Variants in SCFD2 observed in about 807,000 individuals in gnomAD.
The protein encoded by SCFD2 is sec1 family domain-containing protein 2.
A neutral mutation model predicts 58.9 loss-of-function variants in SCFD2; 54 were observed. The ratio of observed to expected loss-of-function variants is 0.92; its 90% confidence interval spans 0.74 to 1.15. The LOEUF (loss-of-function observed/expected upper bound fraction) is 1.15. SCFD2 is among the 50% of genes most tolerant of loss of function. SCFD2 has a pLI of 0.00. For missense variants in SCFD2, 805 were observed against 836.6 expected (o/e 0.96, Z 0.47); for synonymous variants, 321 against 335.9 (o/e 0.96, Z 0.49).
chr4:53,180,361 T>A (rs1266515202), intron 4 of SCFD2, among the ~76,000 whole-genome samples: 1 of 152,052 alleles, frequency 6.6e-6, no homozygotes, highest in East Asian at 1.9e-4. Context: ...TCAAAACCGC[T>A]CAGCTACATG....
chr4:53,066,316 G>T (rs1723661706), intron 5 of SCFD2, among the ~76,000 whole-genome samples: 1 of 152,064 alleles, frequency 6.6e-6, no homozygotes, highest in Non-Finnish European at 1.5e-5. Flanking sequence ...TGTTACTAAG[G>T]CAATGTAAAT....
At chr4:53,287,105 G>A (rs1177590901) in intron 3 of SCFD2, among the ~76,000 whole-genome samples, 1 of 152,116 alleles carries the variant, frequency 6.6e-6, no homozygotes, top group Non-Finnish European at 1.5e-5. Flanking sequence ...CCTGTCCCCG[G>A]GTCTAAGCTA....
chr4:53,050,788 TCCTG>T (rs1348900163), intron 5 of SCFD2, among the ~76,000 whole-genome samples: 1 of 152,198 alleles, frequency 6.6e-6, no homozygotes, highest in African/African-American at 2.4e-5. Context: ...GTCATCTGGC[TCCTG>T]CCTCTCTTCT....
At chr4:53,000,698 A>G (rs1397180671) in intron 5 of SCFD2, among the ~76,000 whole-genome samples, 1 of 152,166 alleles carries the variant, frequency 6.6e-6, no homozygotes, top group Non-Finnish European at 1.5e-5. Flanking sequence ...TCCTTTGAAC[A>G]GGTTTGGTAG....
intron 6 of SCFD2, among the ~76,000 whole-genome samples, chr4:52,916,004 C>T (rs2109480473): frequency 6.6e-6 from 1 of 152,358 alleles, no homozygotes; most frequent in Non-Finnish European, 1.5e-5. Flanking sequence ...TCTTGTTCAA[C>T]ATGCCAGAGG....
chr4:52,919,799 G>A (rs928509610), intron 6 of SCFD2, among the ~76,000 whole-genome samples: 2 of 152,322 alleles, frequency 1.3e-5, no homozygotes, highest in African/African-American at 2.4e-5. Flanking sequence ...GAAGAATCTG[G>A]ATTGTGCTAG....
chr4:53,084,167 T>C (rs533541823), intron 5 of SCFD2, among the ~76,000 whole-genome samples: 1 of 152,224 alleles, frequency 6.6e-6, no homozygotes, highest in South Asian at 2.1e-4. Flanking sequence ...AGTCCTAATC[T>C]CAACTGCACA....
chr4:53,306,552 C>T (rs1392578014), intron 3 of SCFD2, among the ~76,000 whole-genome samples: 1 of 152,088 alleles, frequency 6.6e-6, no homozygotes, highest in Non-Finnish European at 1.5e-5. Context: ...TAGAAATACT[C>T]ATTGTCTCTC....
chr4:53,278,086 G>A (rs1172045310), intron 3 of SCFD2, among the ~76,000 whole-genome samples: 1 of 151,566 alleles, frequency 6.6e-6, no homozygotes, highest in Non-Finnish European at 1.5e-5. Context: ...AACAGTCCTC[G>A]CCAGGCGCAG....
intron 4 of SCFD2, among the ~76,000 whole-genome samples, chr4:53,170,372 A>G (rs1339790803): frequency 6.6e-6 from 1 of 152,140 alleles, no homozygotes. Context: ...TAGATTCTCT[A>G]TTTCGTTTCA....
chr4:53,331,453 C>T (rs1165256956), intron 2 of SCFD2, among the ~76,000 whole-genome samples: 6 of 152,184 alleles, frequency 3.9e-5, no homozygotes, highest in South Asian at 2.1e-4. Context: ...CACTCAAAAC[C>T]GCTCAACTAC....
intron 4 of SCFD2, among the ~76,000 whole-genome samples, chr4:53,247,399 A>C (rs187048065): frequency 2.5e-3 from 378 of 152,280 alleles, no homozygotes; most frequent in African/African-American, 8.8e-3. Context: ...GTATGTACCC[A>C]AAAAAATATA....
chr4:52,880,497 A>C (rs1332294087), intron 8 of SCFD2, among the ~76,000 whole-genome samples: 1 of 151,412 alleles, frequency 6.6e-6, no homozygotes, highest in Non-Finnish European at 1.5e-5. Flanking sequence ...GGCGCCTGTA[A>C]TCCTAGCTAC....
chr4:52,964,824 T>C (rs374722649), intron 5 of SCFD2, among the ~76,000 whole-genome samples: 9 of 152,110 alleles, frequency 5.9e-5, no homozygotes, highest in East Asian at 3.9e-4. Context: ...CAGCATAAAA[T>C]TGGATGCTCT....
chr4:53,349,228 C>A (rs1413798389), intron 2 of SCFD2, among the ~76,000 whole-genome samples: 1 of 152,198 alleles, frequency 6.6e-6, no homozygotes, highest in Non-Finnish European at 1.5e-5. Flanking sequence ...CCAATGCCCT[C>A]ATTTTATAAG....
Position 53,365,059 on chromosome 4 carries a change from C to G in SCFD2, c.838+45G>C. On this transcript the variant is annotated intron_variant, in intron 1 of 8. Coordinates refer to ENST00000401642, the MANE Select transcript of SCFD2 (RefSeq NM_152540.4). This position sits in a 1 kb window ranked among gnomAD's most constrained non-coding sequence, Gnocchi z 4.3. ...TATGCTGAATCAATGAAAGTCCCAG[C>G]AATGTGGGGAATGGTAATGAAGAAC... The G allele has an allele frequency of 6.4e-7, 1 of 1,570,470 alleles. No individual in the cohort carries two copies. Among genetic ancestry groups the G allele is most frequent in the Non-Finnish European group, 8.6e-7 (1 of 1,161,166 alleles).
intron 4 of SCFD2, among the ~76,000 whole-genome samples, chr4:53,230,111 G>A (rs1486649171): frequency 1.3e-5 from 2 of 152,158 alleles, no homozygotes; most frequent in Non-Finnish European, 2.9e-5. Flanking sequence ...TCATTAAAAA[G>A]TCAGGAAACA....
chr4:53,276,458 AT>A (rs561675950), intron 3 of SCFD2, among the ~76,000 whole-genome samples: 4 of 151,370 alleles, frequency 2.6e-5, no homozygotes, highest in African/African-American at 9.7e-5. Flanking sequence ...TCATTTAGTT[AT>A]TTTTTTTTAA....
rs559635633 is a variant in SCFD2 at position 53,057,906 on chromosome 4, G to A, written c.1561+87427C>T. 2.6e-5 allele frequency among the ~76,000 whole-genome samples: 4 copies of A among 152,092 alleles called. No individual in the cohort carries two copies. The South Asian group carries it at 8.3e-4, about 32-fold the overall frequency. On this transcript the variant is annotated intron_variant, in intron 5 of 8. Coordinates refer to ENST00000401642, the MANE Select transcript of SCFD2 (RefSeq NM_152540.4). ...TCTGGCAGGGAAAGGGCAGTGCAGA[G>A]ATCAGCAGGAACTTGATGCCAGCTT...
Sources: gnomAD v4.1 joint callset for allele counts (sites outside exome capture counted in the v4.1 genomes callset) on GRCh38, gnomAD v4.1.1 for gene constraint, Gnocchi (gnomAD v3.1) non-coding constraint, MANE v1.5 for transcripts, NCBI Gene and HGNC (gene_info 2026-07-23, HGNC 2026-07-21) for gene names.